Variants in FGF12 observed in about 807,000 individuals in gnomAD.
FGF12 encodes the protein fibroblast growth factor 12, also known as fibroblast growth factor 12B.
In FGF12, 14 loss-of-function variants were observed where a neutral mutation model predicts 23.6. The observed-to-expected ratio is 0.59, with a 90% CI of 0.39 to 0.93. The LOEUF (loss-of-function observed/expected upper bound fraction) is 0.93. Ranked by LOEUF, FGF12 falls within the 40% of genes least tolerant of loss-of-function variation. The probability of loss-of-function intolerance (pLI) is 0.00; values close to 1 mark genes in which losing one functional copy is unlikely to be tolerated. For synonymous variants in FGF12, 62 were observed against 77.3 expected (o/e 0.80, Z 1.04); for missense variants, 175 against 217.8 (o/e 0.80, Z 1.24).
intron 2 of FGF12, among the ~76,000 whole-genome samples, chr3:192,575,908 A>G (rs891526678): frequency 7.2e-5 from 11 of 152,210 alleles, no homozygotes; most frequent in East Asian, 5.8e-4. Context: ...ATAAGGTTAT[A>G]TTCTATGATA....
intron 2 of FGF12, among the ~76,000 whole-genome samples, chr3:192,552,723 G>A (rs996665816): frequency 6.6e-5 from 10 of 151,780 alleles, no homozygotes; most frequent in African/African-American, 1.2e-4. Context: ...AAATCCCATC[G>A]CTACTAAAAA....
intron 2 of FGF12, among the ~76,000 whole-genome samples, chr3:192,695,375 T>C (rs1187749529): frequency 3.9e-5 from 6 of 152,172 alleles, no homozygotes; most frequent in Non-Finnish European, 5.9e-5. Flanking sequence ...GACTTCATTC[T>C]TTGAGGTGGA....
intron 2 of FGF12, among the ~76,000 whole-genome samples, chr3:192,446,532 C>T (rs1384444745): frequency 6.6e-6 from 1 of 152,180 alleles, no homozygotes; most frequent in Non-Finnish European, 1.5e-5. Context: ...TTGGGCAATT[C>T]ACAGATGGCC....
At chr3:192,421,145 T>A (rs960680689) in intron 2 of FGF12, among the ~76,000 whole-genome samples, 11 of 152,122 alleles carry the variant, frequency 7.2e-5, no homozygotes. Flanking sequence ...CACAGTATTA[T>A]CTTTAAAATT....
intron 4 of FGF12, among the ~76,000 whole-genome samples, chr3:192,175,788 C>A (rs1397076373): frequency 1.3e-5 from 2 of 152,160 alleles, no homozygotes; most frequent in Non-Finnish European, 2.9e-5. Flanking sequence ...CTTCTAGTCT[C>A]TCCCCATCCC....
chr3:192,498,284 C>G (rs910370863), intron 2 of FGF12, among the ~76,000 whole-genome samples: 1 of 152,202 alleles, frequency 6.6e-6, no homozygotes, highest in Non-Finnish European at 1.5e-5. Flanking sequence ...GTTGACTTAT[C>G]TTTGTATGCC....
At chr3:192,582,272 T>C (rs960188150) in intron 2 of FGF12, among the ~76,000 whole-genome samples, 1 of 152,188 alleles carries the variant, frequency 6.6e-6, no homozygotes, top group African/African-American at 2.4e-5. Context: ...ACATAAAAAA[T>C]TTATGTTTTA....
At chr3:192,603,439 A>G (rs1714199815) in intron 2 of FGF12, among the ~76,000 whole-genome samples, 1 of 152,136 alleles carries the variant, frequency 6.6e-6, no homozygotes, top group Non-Finnish European at 1.5e-5. Flanking sequence ...TTACAATATC[A>G]ACAAAAAAAT....
rs1423738741 is a variant in FGF12 at position 192,305,679 on chromosome 3, A to AAAAAATATAT, written c.228+29681_228+29682insATATATTTTT. On this transcript the variant is annotated intron_variant, in intron 4 of 5. Transcript: ENST00000445105. ...AAGGTGGCTTAGGAAAAAAAAAAAA[A>AAAAAATATAT]ATATATATATATATATAAATATATA... 4.8e-3 allele frequency among the ~76,000 whole-genome samples: 638 copies of AAAAAATATAT among 131,872 alleles called. 9 individuals carry two copies. The highest frequency in any genetic ancestry group is 0.017 in the African/African-American group (590 of 33,884). The allele number at this position is 131,872 out of a possible 152,430, so 86.5% of individuals were successfully genotyped here.
chr3:192,553,152 C>T (rs1753010243), intron 2 of FGF12, among the ~76,000 whole-genome samples: 1 of 151,824 alleles, frequency 6.6e-6, no homozygotes, highest in Non-Finnish European at 1.5e-5. Flanking sequence ...CAGATTGAAG[C>T]ACAGATATGC....
At chr3:192,661,990 C>G (rs1236079753) in intron 2 of FGF12, among the ~76,000 whole-genome samples, 2 of 152,208 alleles carry the variant, frequency 1.3e-5, no homozygotes, top group Non-Finnish European at 2.9e-5. Context: ...ACATCCCACT[C>G]CCTAATGAAA....
intron 5 of FGF12, among the ~76,000 whole-genome samples, chr3:192,152,547 A>C (rs992226671): frequency 2.0e-5 from 3 of 149,204 alleles, no homozygotes; most frequent in Admixed American, 1.3e-4. Flanking sequence ...GAACATCTTT[A>C]TTTCTGCCTT....
intron 2 of FGF12, among the ~76,000 whole-genome samples, chr3:192,403,022 A>C (rs1478744926): frequency 6.6e-6 from 1 of 152,230 alleles, no homozygotes; most frequent in Non-Finnish European, 1.5e-5. Flanking sequence ...AATTCTATAC[A>C]TCAAAAGCAA....
At chr3:192,451,064 T>A in intron 2 of FGF12, among the ~76,000 whole-genome samples, 1 of 152,228 alleles carries the variant, frequency 6.6e-6, no homozygotes, top group East Asian at 1.9e-4. Context: ...TGTGCTCTAC[T>A]TTGTATGGTG....
intron 2 of FGF12, among the ~76,000 whole-genome samples, chr3:192,584,982 A>G (rs548438958): frequency 6.6e-6 from 1 of 151,922 alleles, no homozygotes; most frequent in East Asian, 1.9e-4. Flanking sequence ...TGCTGAAGCC[A>G]GTGAATTGGT....
intron 2 of FGF12, among the ~76,000 whole-genome samples, chr3:192,723,940 AAAGGAGGGGAGGGGAGGAGAGG>A (rs1354118249): frequency 1.6e-4 from 18 of 110,516 alleles, no homozygotes; most frequent in South Asian, 4.2e-4. Flanking sequence ...AGGGAAGAGG[AAAGGAGGGGAGGGGAGGAGAGG>A]AAGGAGGGGA....
At chr3:192,354,604 A>G (rs1718380604) in intron 3 of FGF12, among the ~76,000 whole-genome samples, 1 of 152,348 alleles carries the variant, frequency 6.6e-6, no homozygotes, top group African/African-American at 2.4e-5. Flanking sequence ...AAAAGGAAGT[A>G]AAGATCACCC....
intron 4 of FGF12, among the ~76,000 whole-genome samples, chr3:192,233,296 A>C (rs1439360708): frequency 6.6e-6 from 1 of 152,074 alleles, no homozygotes; most frequent in Non-Finnish European, 1.5e-5. Flanking sequence ...ACATTTCTCT[A>C]ATGTTAGTGA....
At chr3:192,672,405 C>T (rs961632980) in intron 2 of FGF12, among the ~76,000 whole-genome samples, 1 of 150,822 alleles carries the variant, frequency 6.6e-6, no homozygotes, top group Admixed American at 6.6e-5. Context: ...AGTAGATGAA[C>T]ACACATTAAA....
Sources: gnomAD v4.1 joint callset for allele counts (sites outside exome capture counted in the v4.1 genomes callset) on GRCh38, gnomAD v4.1.1 for gene constraint, MANE v1.5 for transcripts, NCBI Gene and HGNC (gene_info 2026-07-23, HGNC 2026-07-21) for gene names.